The following TRIM44 variants were observed in gnomAD, a reference collection of about 807,000 sequenced individuals.
The protein encoded by TRIM44 is tripartite motif containing 44.
In TRIM44, 13 loss-of-function variants were observed where a neutral mutation model predicts 37.4. The ratio of observed to expected loss-of-function variants is 0.35; its 90% CI spans 0.23 to 0.55. The LOEUF (loss-of-function observed/expected upper bound fraction) is 0.55. TRIM44 is among the 20% of genes least tolerant of loss of function. The probability of loss-of-function intolerance (pLI) is 0.89; values close to 1 mark genes in which losing one functional copy is unlikely to be tolerated. For missense variants in TRIM44, 426 were observed against 437.2 expected (o/e 0.97, Z 0.23); for synonymous variants, 175 against 157.2 (o/e 1.11, Z -0.85).
intron 1 of TRIM44, among the ~76,000 whole-genome samples, chr11:35,683,576 G>C (rs1851542801): frequency 6.6e-6 from 1 of 152,106 alleles, no homozygotes; most frequent in Non-Finnish European, 1.5e-5. Context: ...TGCAGTATCT[G>C]TTTATTCTTG....
chr11:35,688,626 C>T (rs943629695), intron 2 of TRIM44, among the ~76,000 whole-genome samples: 7 of 152,106 alleles, frequency 4.6e-5, no homozygotes, highest in Non-Finnish European at 1.0e-4. Context: ...AGACTTGATT[C>T]TGTTTAATGA....
rs1474253162 is a variant in TRIM44 at position 35,665,597 on chromosome 11, T to G, written c.669+1817T>G. On this transcript the variant is annotated intron_variant, in intron 1 of 4. Coordinates refer to ENST00000299413, the MANE Select transcript of TRIM44 (RefSeq NM_017583.6). ...GTTTTTATATATCTGTTTTTTTTTT[T>G]TTTTTTTTTTTTTTTGAGATAGAGT... 4.4e-3 allele frequency among the ~76,000 whole-genome samples: 605 copies of G among 138,190 alleles called. 6 individuals are homozygous for G. Among genetic ancestry groups the G allele is most frequent in the Non-Finnish European group, 6.5e-3 (410 of 63,410 alleles). 90.7% of individuals were successfully genotyped at this position (138,190 alleles called of 152,430 possible). A position where few individuals can be genotyped will look rare whatever the true frequency, so the allele number is the denominator to read the frequency against.
intron 2 of TRIM44, chr11:35,724,469 T>G (rs1852144840): frequency 6.6e-6 from 1 of 152,252 alleles, no homozygotes; most frequent in Non-Finnish European, 1.5e-5. Flanking sequence ...TGGCTTTTCT[T>G]CTGCCTTTCT....
At chr11:35,717,940 G>C (rs1159584014) in intron 2 of TRIM44, among the ~76,000 whole-genome samples, 2 of 152,038 alleles carry the variant, frequency 1.3e-5, no homozygotes, top group Non-Finnish European at 2.9e-5. Context: ...CACTAATCCA[G>C]ATTTGTCTCT....
chr11:35,681,993 C>G (rs553042967), intron 1 of TRIM44, among the ~76,000 whole-genome samples: 3 of 129,622 alleles, frequency 2.3e-5, no homozygotes, highest in Admixed American at 9.7e-5. Context: ...CAGTCTCGCT[C>G]TGTCACCCAG....
intron 4 of TRIM44, among the ~76,000 whole-genome samples, chr11:35,768,395 A>G (rs1428358079): frequency 6.6e-6 from 1 of 152,184 alleles, no homozygotes; most frequent in East Asian, 1.9e-4. Context: ...AAGGTCACAC[A>G]GCTAGAAGTT....
rs1853481823 is a variant in TRIM44 at position 35,808,282 on chromosome 11, C to CCTAT, written c.*1900_*1903dup. The CCTAT allele has an allele frequency of 6.7e-6, 1 of 149,788 alleles. No homozygotes were observed. Among genetic ancestry groups the CCTAT allele is most frequent in the Non-Finnish European group, 1.5e-5 (1 of 67,606 alleles). The allele number at this position is 149,788 out of a possible 1,614,324, so 9.3% of individuals were successfully genotyped here. On this transcript the variant is annotated 3_prime_UTR_variant, in exon 5 of 5. Coordinates refer to ENST00000299413, the MANE Select transcript of TRIM44 (RefSeq NM_017583.6). ...TGGCTAGGACAATTTTGGTGCTTTACCTATCTCTGCAAAGACTGGAGAATT... is the reference window on the plus strand; with the variant it reads ...TGGCTAGGACAATTTTGGTGCTTTACCTATCTATCTCTGCAAAGACTGGAGAATT...
intron 4 of TRIM44, among the ~76,000 whole-genome samples, chr11:35,756,472 C>G (rs1371180043): frequency 6.6e-6 from 1 of 152,204 alleles, no homozygotes; most frequent in East Asian, 1.9e-4. Flanking sequence ...TTGACTTCCT[C>G]TTTTCCTAAT....
intron 4 of TRIM44, among the ~76,000 whole-genome samples, chr11:35,769,331 T>C (rs1311047186): frequency 6.6e-6 from 1 of 152,236 alleles, no homozygotes; most frequent in East Asian, 1.9e-4. Flanking sequence ...ATGTCTTTCA[T>C]GTAAATAGGT....
chr11:35,777,553 G>A (rs1852988976), intron 4 of TRIM44, among the ~76,000 whole-genome samples: 1 of 152,188 alleles, frequency 6.6e-6, no homozygotes, highest in South Asian at 2.1e-4. Context: ...AGCATCGATG[G>A]TCTTTACAAT....
chr11:35,780,462 C>T (rs1302372266), intron 4 of TRIM44, among the ~76,000 whole-genome samples: 1 of 152,120 alleles, frequency 6.6e-6, no homozygotes, highest in Non-Finnish European at 1.5e-5. Flanking sequence ...AAGGTGACTG[C>T]TAGAAGCATT....
At chr11:35,776,949 G>T (rs527565317) in intron 4 of TRIM44, among the ~76,000 whole-genome samples, 61 of 152,286 alleles carry the variant, frequency 4.0e-4, no homozygotes, top group Admixed American at 1.7e-3. Flanking sequence ...GGGGTGGAGA[G>T]TTCTGTAGAT....
intron 3 of TRIM44, among the ~76,000 whole-genome samples, chr11:35,727,330 A>T (rs961428833): frequency 1.3e-5 from 2 of 152,142 alleles, no homozygotes; most frequent in Non-Finnish European, 2.9e-5. Flanking sequence ...ACTGTTGCTG[A>T]CTCAGCAAGT....
chr11:35,762,420 G>A (rs925803136), intron 4 of TRIM44, among the ~76,000 whole-genome samples: 9 of 152,108 alleles, frequency 5.9e-5, no homozygotes, highest in Admixed American at 1.3e-4. Flanking sequence ...GGTGAAGAAT[G>A]CTCACTCCAG....
chr11:35,743,753 G>A (rs1042139671), intron 4 of TRIM44, among the ~76,000 whole-genome samples: 4 of 152,054 alleles, frequency 2.6e-5, no homozygotes, highest in South Asian at 2.1e-4. Context: ...CTCATCAGTG[G>A]GTTACAATCC....
chr11:35,720,286 T>C (rs1852085154), intron 2 of TRIM44, among the ~76,000 whole-genome samples: 1 of 152,226 alleles, frequency 6.6e-6, no homozygotes, highest in African/African-American at 2.4e-5. Flanking sequence ...TTGGAGGTGC[T>C]AATGTAAATG....
intron 2 of TRIM44, among the ~76,000 whole-genome samples, chr11:35,704,509 G>A (rs978185885): frequency 3.3e-5 from 5 of 152,170 alleles, no homozygotes; most frequent in Non-Finnish European, 7.3e-5. Context: ...GGCAGCCAGA[G>A]AGAAAGGTCG....
At chr11:35,801,978 C>T (rs921770123) in intron 4 of TRIM44, among the ~76,000 whole-genome samples, 2 of 152,128 alleles carry the variant, frequency 1.3e-5, no homozygotes, top group South Asian at 2.1e-4. Flanking sequence ...AGGGTGTGCT[C>T]ACTGACATAT....
At chr11:35,780,016 G>A (rs1853040272) in intron 4 of TRIM44, among the ~76,000 whole-genome samples, 3 of 151,910 alleles carry the variant, frequency 2.0e-5, no homozygotes, top group South Asian at 4.1e-4. Flanking sequence ...TAGCCTTATA[G>A]TATAGTTTGA....
Sources: allele counts gnomAD v4.1 joint callset (sites outside exome capture counted in the v4.1 genomes callset), GRCh38; gene constraint gnomAD v4.1.1; transcripts MANE v1.5; gene names NCBI Gene and HGNC (gene_info 2026-07-23, HGNC 2026-07-21).